The following SLC8A2 variants were observed in gnomAD, a reference collection of about 807,000 sequenced individuals.
SLC8A2 encodes the protein sodium/calcium exchanger 2.
In SLC8A2, 14 loss-of-function variants were observed where a neutral mutation model predicts 70.2. The observed-to-expected ratio is 0.20, with a 90% confidence interval of 0.13 to 0.31. SLC8A2 has a LOEUF of 0.31. SLC8A2 is among the 10% of genes least tolerant of loss of function. SLC8A2 has a pLI of 1.00. For synonymous variants in SLC8A2, 575 were observed against 594.3 expected (o/e 0.97, Z 0.47); for missense variants, 779 against 1,320.1 (o/e 0.59, Z 6.35).
chr19:47,432,625 G>GCACCTACCTGTGGCCAAGTCAACTGCTA lies in SLC8A2; in HGVS notation c.2111-181_2111-180insTAGCAGTTGACTTGGCCACAGGTAGGTG. Reference sequence around the variant, plus strand: ...AACAGTTACTTTCCCAGAATCCCTTGAAGCTAGGAGCTTGATTGGGCCCAG... The same window carrying GCACCTACCTGTGGCCAAGTCAACTGCTA: ...AACAGTTACTTTCCCAGAATCCCTTGCACCTACCTGTGGCCAAGTCAACTGCTAAAGCTAGGAGCTTGATTGGGCCCAG... On this transcript the variant is annotated intron_variant, in intron 8 of 9. Transcript: ENST00000236877. This position sits in a 1 kb window ranked among gnomAD's most constrained non-coding sequence, Gnocchi z 6.2. 2 of 550,730 alleles carry GCACCTACCTGTGGCCAAGTCAACTGCTA rather than the reference G, an allele frequency of 3.6e-6. No homozygotes were observed. Among genetic ancestry groups the GCACCTACCTGTGGCCAAGTCAACTGCTA allele is most frequent in the East Asian group, 6.2e-5 (2 of 32,190 alleles). 34.1% of individuals were successfully genotyped at this position (550,730 alleles called of 1,614,324 possible).
At chr19:47,461,146 C>T (rs1218389891) in intron 2 of SLC8A2, among the ~76,000 whole-genome samples, 1 of 151,414 alleles carries the variant, frequency 6.6e-6, no homozygotes, top group Non-Finnish European at 1.5e-5. Context: ...GCTGAGATCA[C>T]CCCACTGCAC....
chr19:47,455,111 G>A (rs2122640109), intron 3 of SLC8A2, among the ~76,000 whole-genome samples: 1 of 152,092 alleles, frequency 6.6e-6, no homozygotes, highest in East Asian at 1.9e-4. Context: ...AGAGAGGAGA[G>A]GAGAGAGTAG....
At chr19:47,452,359 C>G (rs1341254469) in intron 3 of SLC8A2, among the ~76,000 whole-genome samples, 1 of 145,600 alleles carries the variant, frequency 6.9e-6, no homozygotes. Flanking sequence ...CGACTACAGG[C>G]ACATGTTACC....
intron 3 of SLC8A2, among the ~76,000 whole-genome samples, chr19:47,450,658 C>A (rs1967223114): frequency 6.6e-6 from 1 of 152,122 alleles, no homozygotes; most frequent in African/African-American, 2.4e-5. Flanking sequence ...GAGGGAGTCC[C>A]TCAGCTCAGG....
At chr19:47,444,462 G>T (rs1330533018) in intron 4 of SLC8A2, among the ~76,000 whole-genome samples, 1 of 152,092 alleles carries the variant, frequency 6.6e-6, no homozygotes, top group African/African-American at 2.4e-5. Flanking sequence ...AGAAAGGGCC[G>T]CCCCCGACCT....
In SLC8A2 at chr19:47,430,713, GACTC is replaced by G. The variant is rs1395106779; in HGVS notation, c.2390-252_2390-249del. Among the ~76,000 whole-genome samples the G allele has an allele frequency of 6.6e-6, 1 of 152,212 alleles. No homozygotes were observed. Among genetic ancestry groups the G allele is most frequent in the Non-Finnish European group, 1.5e-5 (1 of 68,030 alleles). Reference sequence around the variant, plus strand: ...CTGTGGGATTCATTCTCTTCTATGGGACTCACTGCGTGATTTCTTTTTTTTTCCT... The same window carrying G: ...CTGTGGGATTCATTCTCTTCTATGGGACTGCGTGATTTCTTTTTTTTTCCT... On this transcript the variant is annotated intron_variant, in intron 9 of 9. Transcript: ENST00000236877. This position sits in a 1 kb window ranked among gnomAD's most constrained non-coding sequence, Gnocchi z 5.9.
At position 47,470,735 on chromosome 19, in the gene SLC8A2, T is replaced by C. The variant is rs61084745; in HGVS notation, c.-17+1054A>G. Among the ~76,000 whole-genome samples, 1,189 of 149,982 alleles carry C rather than the reference T, an allele frequency of 7.9e-3. 12 individuals carry two copies. The highest frequency in any genetic ancestry group is 0.027 in the African/African-American group (1,116 of 40,678). ...AGTTACACGAGGAAGACTGGGGAGG[T>C]TAGATTGAAGGGAGGTCTGGTCTCA... On this transcript the variant is annotated intron_variant, in intron 1 of 9. Coordinates refer to ENST00000236877, the MANE Select transcript of SLC8A2 (RefSeq NM_015063.3).
At chr19:47,442,395 T>C (rs1334794377) in intron 4 of SLC8A2, among the ~76,000 whole-genome samples, 2 of 152,148 alleles carry the variant, frequency 1.3e-5, no homozygotes, top group Non-Finnish European at 2.9e-5. Flanking sequence ...AGAATGAAAG[T>C]CAAAGTCCTT....
At chr19:47,464,587 T>G (rs1221381475) in intron 2 of SLC8A2, among the ~76,000 whole-genome samples, 1 of 152,234 alleles carries the variant, frequency 6.6e-6, no homozygotes, top group Non-Finnish European at 1.5e-5. Flanking sequence ...CTTTCCTCAC[T>G]GTGGCTTCTG....
At chr19:47,437,108 G>A (rs1004571510) in intron 8 of SLC8A2, among the ~76,000 whole-genome samples, 7 of 151,926 alleles carry the variant, frequency 4.6e-5, no homozygotes, top group African/African-American at 1.7e-4. Context: ...CCCTCTCCCC[G>A]GCCCATTTCA....
At position 47,448,767 on chromosome 19, in the gene SLC8A2, A is replaced by G. The variant is rs1018937128; in HGVS notation, c.1341-536T>C. ...ATGTCCTGGTCACATTTTAAGTGGCAGGGATATAGGACCCAGAAAGGACTC... is the reference window on the plus strand; with the variant it reads ...ATGTCCTGGTCACATTTTAAGTGGCGGGGATATAGGACCCAGAAAGGACTC... On this transcript the variant is annotated intron_variant, in intron 3 of 9. Transcript: ENST00000236877. The surrounding 1 kb of genome is among the most constrained non-coding windows in gnomAD (Gnocchi z 4.8). Among the ~76,000 whole-genome samples the G allele has an allele frequency of 1.3e-5, 2 of 152,200 alleles. No individual in the cohort carries two copies. The highest frequency in any genetic ancestry group is 1.3e-4 in the Admixed American group (2 of 15,288).
Position 47,447,820 on chromosome 19 carries a change from G to A in SLC8A2, c.1752C>T (p.Asp584=), listed in dbSNP as rs1967186152. 5 of 1,590,076 alleles carry A rather than the reference G, an allele frequency of 3.1e-6. No homozygotes were observed. The highest frequency in any genetic ancestry group is 1.4e-5 in the African/African-American group (1 of 73,698). The change falls in exon 4 of 10, where the codon GAC becomes GAT. Residue 584 remains aspartate (D), a synonymous_variant. Transcript: ENST00000236877. The surrounding 1 kb of genome is among the most constrained non-coding windows in gnomAD (Gnocchi z 5.1). ...EDACGELEFG[D]DETMKTLQVK... ...TCGGGCGTGCTCACATGGTCTCGTCGTCGCCAAACTCCAGCTCTCCGCACG... is the reference window on the plus strand; with the variant it reads ...TCGGGCGTGCTCACATGGTCTCGTCATCGCCAAACTCCAGCTCTCCGCACG...
Position 47,429,782 on chromosome 19 carries a change from T to C in SLC8A2, c.*307A>G. 4.9e-6 allele frequency: 2 copies of C among 407,350 alleles called. No individual in the cohort carries two copies. The highest frequency in any genetic ancestry group is 8.7e-6 in the Non-Finnish European group (2 of 230,462). 25.2% of individuals were successfully genotyped at this position (407,350 alleles called of 1,614,324 possible). A position where few individuals can be genotyped will look rare whatever the true frequency, so the allele number is the denominator to read the frequency against. On this transcript the variant is annotated 3_prime_UTR_variant, in exon 10 of 10. Transcript: ENST00000236877. ...AACTCCCCAGGATGGTTACTGGGGG[T>C]GGTTCCCTGGGGAGGGGACTGGGGT...
intron 4 of SLC8A2, among the ~76,000 whole-genome samples, chr19:47,444,085 G>A (rs1967130225): frequency 6.6e-6 from 1 of 151,976 alleles, no homozygotes. Flanking sequence ...TATAGAGACA[G>A]GATCTCACTA....
At chr19:47,435,566 T>C (rs1157460976) in intron 8 of SLC8A2, among the ~76,000 whole-genome samples, 2 of 151,572 alleles carry the variant, frequency 1.3e-5, no homozygotes, top group Non-Finnish European at 2.9e-5. Context: ...TTTTTTTTTT[T>C]TAGACGGAGT....
chr19:47,438,016 C>T, intron 6 of SLC8A2, 43 bp from the exon 7 acceptor site: 2 of 1,611,746 alleles, frequency 1.2e-6, no homozygotes, highest in Non-Finnish European at 1.7e-6. Flanking sequence ...GGAGACCTAC[C>T]TAATTGGGCC....
At chr19:47,441,228 C>T (rs750587699) in intron 5 of SLC8A2, 42 bp from the exon 6 acceptor site, 1 of 1,612,804 alleles carries the variant, frequency 6.2e-7, no homozygotes, top group South Asian at 1.1e-5. Flanking sequence ...GATCAGTTCC[C>T]CACGAAGCTC....
Position 47,430,182 on chromosome 19 carries a change from G to T in SLC8A2, c.2673C>A (p.Pro891=). The change falls in exon 10 of 10, where the codon CCC becomes CCA. Residue 891 remains proline, a synonymous_variant. Coordinates refer to ENST00000236877, the MANE Select transcript of SLC8A2 (RefSeq NM_015063.3). This position sits in a 1 kb window ranked among gnomAD's most constrained non-coding sequence, Gnocchi z 5.9. ...GGAAGAGCGCGGTGGTGGCGAGCTT[G>T]GGTCCGCGCGGGCCGCCCAGCTCGC... ...IGGELGGPRG[P]KLATTALFLG... 1 of 1,600,040 alleles carries T rather than the reference G, an allele frequency of 6.2e-7. No homozygotes were observed. The highest frequency in any genetic ancestry group is 8.5e-7 in the Non-Finnish European group (1 of 1,173,344).
Position 47,430,061 on chromosome 19 carries a change from C to T in SLC8A2, c.*28G>A. 6.4e-7 allele frequency: 1 copy of T among 1,555,778 alleles called. No homozygotes were observed. Among genetic ancestry groups the T allele is most frequent in the Non-Finnish European group, 8.7e-7 (1 of 1,149,982 alleles). On this transcript the variant is annotated 3_prime_UTR_variant, in exon 10 of 10. Coordinates refer to ENST00000236877, the MANE Select transcript of SLC8A2 (RefSeq NM_015063.3). The surrounding 1 kb of genome is among the most constrained non-coding windows in gnomAD (Gnocchi z 5.9). ...AGCCGAGTCCCTAGCCCCGGGCGGGCGGTGGGGACGAGTCTCTGCGCGAGG... is the reference window on the plus strand; with the variant it reads ...AGCCGAGTCCCTAGCCCCGGGCGGGTGGTGGGGACGAGTCTCTGCGCGAGG...
Sources: allele counts gnomAD v4.1 joint callset (sites outside exome capture counted in the v4.1 genomes callset), GRCh38; gene constraint gnomAD v4.1.1; non-coding constraint Gnocchi (gnomAD v3.1); transcripts MANE v1.5; gene names NCBI Gene and HGNC (gene_info 2026-07-23, HGNC 2026-07-21).